COL28A1: variants seen among roughly 807,000 people sequenced by gnomAD.
COL28A1 encodes collagen type XXVIII alpha 1 chain.
Under a neutral mutation model 150.2 loss-of-function variants are expected in COL28A1, and 161 were observed. The ratio of observed to expected loss-of-function variants is 1.07; its 90% CI spans 0.94 to 1.22. COL28A1 has a LOEUF of 1.22. Among genes scored for constraint, COL28A1 ranks in the 50% most tolerant of loss-of-function variants. COL28A1 has a pLI of 0.00. For synonymous variants in COL28A1, 552 were observed against 469.7 expected (o/e 1.18, Z -2.26); for missense variants, 1,617 against 1,388.3 (o/e 1.16, Z -2.62).
chr7:7,449,638 C>A (rs993312736), intron 18 of COL28A1, among the ~76,000 whole-genome samples: 24 of 151,708 alleles, frequency 1.6e-4, no homozygotes, highest in East Asian at 1.9e-4. Flanking sequence ...ATTCCACAAA[C>A]AGATTTCACA....
intron 20 of COL28A1, among the ~76,000 whole-genome samples, chr7:7,441,100 T>C (rs977142817): frequency 2.0e-5 from 3 of 152,264 alleles, no homozygotes; most frequent in Non-Finnish European, 4.4e-5. Context: ...ATCTAAGTTT[T>C]GTATCTTTCT....
intron 27 of COL28A1, among the ~76,000 whole-genome samples, chr7:7,406,518 G>T (rs1005583270): frequency 2.0e-5 from 3 of 152,086 alleles, no homozygotes; most frequent in African/African-American, 4.8e-5. Context: ...AACAAAGAAA[G>T]AAATATTTTC....
intron 27 of COL28A1, among the ~76,000 whole-genome samples, chr7:7,408,252 G>A (rs1242522150): frequency 6.6e-6 from 1 of 151,986 alleles, no homozygotes; most frequent in Admixed American, 6.6e-5. Context: ...ATTGCTCTGG[G>A]GCTAAATATC....
At chr7:7,490,388 A>G (rs1401631538) in intron 12 of COL28A1, among the ~76,000 whole-genome samples, 190 bp downstream of exon 12, 1 of 152,262 alleles carries the variant, frequency 6.6e-6, no homozygotes, top group Non-Finnish European at 1.5e-5. Context: ...ATTAAAAAAT[A>G]CGTTAATTAT....
At chr7:7,368,654 G>C (rs538195462) in intron 33 of COL28A1, among the ~76,000 whole-genome samples, 12 of 152,140 alleles carry the variant, frequency 7.9e-5, no homozygotes, top group Non-Finnish European at 1.8e-4. Context: ...AGTGATGTGA[G>C]AGATGAGCTG....
intron 21 of COL28A1, among the ~76,000 whole-genome samples, chr7:7,439,484 A>T (rs1785596192): frequency 2.0e-5 from 3 of 152,328 alleles, no homozygotes; most frequent in Admixed American, 1.3e-4. Context: ...TTTTCAAAAA[A>T]AGAGGTCAAT....
chr7:7,487,841 A>T (rs1199618832), intron 13 of COL28A1, among the ~76,000 whole-genome samples: 1 of 152,188 alleles, frequency 6.6e-6, no homozygotes, highest in African/African-American at 2.4e-5. Context: ...TAAGCTTTAC[A>T]TGATGAGTGG....
At chr7:7,433,133 A>G (rs1392267508) in intron 23 of COL28A1, among the ~76,000 whole-genome samples, 1 of 152,178 alleles carries the variant, frequency 6.6e-6, no homozygotes, top group Non-Finnish European at 1.5e-5. Context: ...AAAGTTGTAA[A>G]TATTGTTTTA....
Position 7,371,957 on chromosome 7 carries a change from C to T in COL28A1, c.2908+1041G>A, listed in dbSNP as rs190356054. On this transcript the variant is annotated intron_variant, in intron 32 of 34. Transcript: ENST00000399429. ...CAGCAATTCTTCCGCCTCAGCTTCC[C>T]GGGTAGCTGGGACTACAGGCACACG... 2.4e-3 allele frequency among the ~76,000 whole-genome samples: 370 copies of T among 152,132 alleles called. 2 individuals carry two copies. Among genetic ancestry groups the T allele is most frequent in the East Asian group, 0.024 (122 of 5,060 alleles).
intron 34 of COL28A1, among the ~76,000 whole-genome samples, chr7:7,359,773 C>G (rs10486158): frequency 6.6e-6 from 1 of 151,974 alleles, no homozygotes; most frequent in African/African-American, 2.4e-5. Flanking sequence ...ACTATGAAGA[C>G]TCCCTAGACC....
intron 13 of COL28A1, among the ~76,000 whole-genome samples, chr7:7,481,856 A>G (rs1181323144): frequency 2.0e-5 from 3 of 152,158 alleles, no homozygotes; most frequent in East Asian, 3.9e-4. Flanking sequence ...TTTAATCTCA[A>G]AATAATTATA....
intron 27 of COL28A1, among the ~76,000 whole-genome samples, chr7:7,413,940 G>A (rs558251854): frequency 4.3e-4 from 65 of 152,296 alleles, no homozygotes; most frequent in African/African-American, 1.5e-3. Context: ...AGGGCTACCA[G>A]GAATTGTGTT....
intron 34 of COL28A1, 29 bp from the exon 35 acceptor site, chr7:7,358,834 G>A (rs375567003): frequency 6.9e-5 from 108 of 1,570,814 alleles, no homozygotes; most frequent in Non-Finnish European, 7.4e-5. Context: ...AATGTGTCAC[G>A]GATTTTTCTT....
rs1417563491 is a variant in COL28A1, at chr7:7,370,849, C to G, written c.2942G>C (p.Cys981Ser). Reference protein sequence around the residue: ...TLKQKLFQKICEDFDSYLVQI... With the variant: ...TLKQKLFQKISEDFDSYLVQI... ...AACGAGATAGGAATCAAAATCCTCACAAATTTTTTGAAACAATTTTTGCTT... is the reference window on the plus strand; with the variant it reads ...AACGAGATAGGAATCAAAATCCTCAGAAATTTTTTGAAACAATTTTTGCTT... The change falls in exon 33 of 35, where the codon TGT becomes TCT. Residue 981 changes from cysteine (C) to serine (S), a missense_variant. By Grantham distance (112) the Cys-to-Ser change is moderately radical. Transcript: ENST00000399429. 6.2e-7 allele frequency: 1 copy of G among 1,612,276 alleles called. No individual in the cohort carries two copies. The highest frequency in any genetic ancestry group is 1.7e-5 in the Admixed American group (1 of 59,764).
chr7:7,407,993 G>A (rs1783582862), intron 27 of COL28A1, among the ~76,000 whole-genome samples: 1 of 152,066 alleles, frequency 6.6e-6, no homozygotes, highest in African/African-American at 2.4e-5. Context: ...TCCTAACGAA[G>A]TCATCACAAC....
intron 15 of COL28A1, among the ~76,000 whole-genome samples, chr7:7,462,080 G>C (rs1200390368): frequency 1.3e-5 from 2 of 152,178 alleles, no homozygotes; most frequent in Non-Finnish European, 2.9e-5. Flanking sequence ...CCCAGTACCA[G>C]CCTGGAGCCC....
chr7:7,480,740 G>C (rs763974788), intron 13 of COL28A1, among the ~76,000 whole-genome samples: 1 of 152,096 alleles, frequency 6.6e-6, no homozygotes, highest in Non-Finnish European at 1.5e-5. Context: ...TAGGTTCTAG[G>C]GATAGCAGAC....
chr7:7,517,977 G>T, intron 6 of COL28A1, 140 bp from the exon 7 acceptor site: 1 of 893,794 alleles, frequency 1.1e-6, no homozygotes, highest in Non-Finnish European at 1.5e-6. Flanking sequence ...TTTTCACTAT[G>T]CAATCTAGGC....
intron 13 of COL28A1, among the ~76,000 whole-genome samples, chr7:7,481,872 CTTTCA>C (rs1471567350): frequency 2.0e-5 from 3 of 151,924 alleles, no homozygotes; most frequent in Non-Finnish European, 2.9e-5. Context: ...TTATAGTTCC[CTTTCA>C]GGGTTTTTTT....
Sources: allele counts gnomAD v4.1 joint callset (sites outside exome capture counted in the v4.1 genomes callset), GRCh38; gene constraint gnomAD v4.1.1; transcripts MANE v1.5; gene names NCBI Gene and HGNC (gene_info 2026-07-23, HGNC 2026-07-21).